GALNT13: variants seen among roughly 807,000 people sequenced by gnomAD.
GALNT13 encodes the protein UDP-GalNAc:polypeptide N-acetylgalactosaminyltransferase 13.
In GALNT13, 28 loss-of-function variants were observed where a neutral mutation model predicts 64.2. The ratio of observed to expected loss-of-function variants is 0.44; its 90% CI spans 0.32 to 0.60. The LOEUF (loss-of-function observed/expected upper bound fraction) is 0.60. Ranked by LOEUF, GALNT13 falls within the 20% of genes least tolerant of loss-of-function variation. The pLI is 0.05. For synonymous variants in GALNT13, 214 were observed against 224.6 expected (o/e 0.95, Z 0.42); for missense variants, 577 against 669.8 (o/e 0.86, Z 1.53).
At chr2:153,473,949 T>A in the GALNT13 span, among the ~76,000 whole-genome samples, 3 of 152,332 alleles carry the variant, frequency 2.0e-5, no homozygotes, top group South Asian at 6.2e-4. Flanking sequence ...TTTACTTTCA[T>A]GGCTTTGTCC....
At chr2:153,933,547 G>A (rs1690680839) in intron 2 of GALNT13, among the ~76,000 whole-genome samples, 2 of 152,176 alleles carry the variant, frequency 1.3e-5, no homozygotes, top group South Asian at 4.2e-4. Flanking sequence ...TAAGTGGGGT[G>A]TTTATCCTGT....
At chr2:154,317,657 G>T (rs141855998) in intron 9 of GALNT13, among the ~76,000 whole-genome samples, 127 of 152,222 alleles carry the variant, frequency 8.3e-4, no homozygotes, top group African/African-American at 2.8e-3. Context: ...AGGAATCTTT[G>T]AAAGAAGGCA....
intron 7 of GALNT13, among the ~76,000 whole-genome samples, chr2:154,253,416 C>G (rs1690194290): frequency 6.6e-6 from 1 of 152,180 alleles, no homozygotes; most frequent in African/African-American, 2.4e-5. Context: ...TGGTGAAAAA[C>G]TCCAGCATTT....
intron 10 of GALNT13, among the ~76,000 whole-genome samples, chr2:154,407,605 C>T (rs76076336): frequency 0.047 from 7 of 148 alleles, no homozygotes; most frequent in Non-Finnish European, 0.071. Flanking sequence ...GAACAGGTAC[C>T]GGGTTTTGCT....
the GALNT13 span, among the ~76,000 whole-genome samples, chr2:153,311,597 A>G: frequency 6.6e-6 from 1 of 152,192 alleles, no homozygotes; most frequent in South Asian, 2.1e-4. Flanking sequence ...AGGATCCACG[A>G]CCGTGCCTCC....
intron 9 of GALNT13, among the ~76,000 whole-genome samples, chr2:154,358,746 C>T (rs1696893847): frequency 6.6e-6 from 1 of 151,988 alleles, no homozygotes; most frequent in South Asian, 2.1e-4. Flanking sequence ...TTGCATCATT[C>T]CAATGTTTAC....
chr2:153,479,890 C>T, the GALNT13 span, among the ~76,000 whole-genome samples: 2 of 152,166 alleles, frequency 1.3e-5, no homozygotes, highest in Non-Finnish European at 1.5e-5. Flanking sequence ...CATGTTCCCG[C>T]TCCCCCTTTT....
the GALNT13 span, among the ~76,000 whole-genome samples, chr2:153,542,592 G>T: frequency 6.6e-6 from 1 of 152,084 alleles, no homozygotes; most frequent in Non-Finnish European, 1.5e-5. Context: ...GACAGGCCAG[G>T]GTGATCAGAC....
chr2:153,508,491 T>C, the GALNT13 span, among the ~76,000 whole-genome samples: 2 of 151,830 alleles, frequency 1.3e-5, no homozygotes, highest in South Asian at 4.2e-4. Flanking sequence ...ACCAGGGAAG[T>C]GGGGGAAAGC....
At chr2:154,013,381 C>T (rs1696777119) in intron 3 of GALNT13, among the ~76,000 whole-genome samples, 2 of 151,920 alleles carry the variant, frequency 1.3e-5, no homozygotes, top group Admixed American at 1.3e-4. Context: ...AGTGCTGAAG[C>T]GTTCCTCATA....
At chr2:153,402,983 C>T in the GALNT13 span, among the ~76,000 whole-genome samples, 1 of 152,112 alleles carries the variant, frequency 6.6e-6, no homozygotes, top group Non-Finnish European at 1.5e-5. Flanking sequence ...AACTGCGTTC[C>T]TTTGGAGGAG....
chr2:153,084,094 A>G, the GALNT13 span, among the ~76,000 whole-genome samples: 2 of 152,194 alleles, frequency 1.3e-5, no homozygotes, highest in East Asian at 3.8e-4. Flanking sequence ...CCATTGGTCT[A>G]CAAGCCTGTT....
chr2:153,871,652 G>T (rs1157949418), upstream of GALNT13, among the ~76,000 whole-genome samples: 1 of 152,186 alleles, frequency 6.6e-6, no homozygotes, highest in Admixed American at 6.5e-5. Flanking sequence ...TGCTCTTGGG[G>T]GCCGTGCCTG....
chr2:153,280,253 C>T, the GALNT13 span, among the ~76,000 whole-genome samples: 1 of 151,914 alleles, frequency 6.6e-6, no homozygotes, highest in Non-Finnish European at 1.5e-5. Flanking sequence ...GTGGATCTCT[C>T]TTTTTTCCTT....
the GALNT13 span, chr2:153,201,662 C>CAA: frequency 7.4e-6 from 1 of 134,508 alleles, no homozygotes; most frequent in Non-Finnish European, 1.7e-5. Flanking sequence ...TTTATCTCAA[C>CAA]ACACACACAC....
At chr2:153,308,139 C>A in the GALNT13 span, among the ~76,000 whole-genome samples, 12 of 152,228 alleles carry the variant, frequency 7.9e-5, no homozygotes, top group South Asian at 2.5e-3. Context: ...ACAGTAATAC[C>A]TCTTTATAAC....
chr2:153,220,262 A>G, the GALNT13 span, among the ~76,000 whole-genome samples: 3 of 152,198 alleles, frequency 2.0e-5, no homozygotes, highest in Non-Finnish European at 2.9e-5. Flanking sequence ...CAGTTGTCAC[A>G]TTGTGTGACA....
intron 3 of GALNT13, among the ~76,000 whole-genome samples, chr2:153,991,297 A>T (rs1435381027): frequency 1.3e-5 from 2 of 152,192 alleles, no homozygotes; most frequent in African/African-American, 4.8e-5. Flanking sequence ...CACCTGGTCA[A>T]ATCGAAGGAT....
the GALNT13 span, among the ~76,000 whole-genome samples, chr2:153,836,178 A>G: frequency 6.6e-4 from 101 of 152,080 alleles, no homozygotes; most frequent in Non-Finnish European, 9.7e-4. Flanking sequence ...ACATGGGGCA[A>G]TTTATTGATG....
Sources: gnomAD v4.1 joint callset for allele counts (sites outside exome capture counted in the v4.1 genomes callset) on GRCh38, gnomAD v4.1.1 for gene constraint, MANE v1.5 for transcripts, NCBI Gene and HGNC (gene_info 2026-07-23, HGNC 2026-07-21) for gene names.